MMS22L: variants seen among roughly 807,000 people sequenced by gnomAD.
The protein encoded by MMS22L is protein MMS22-like.
Under a neutral mutation model 159.1 loss-of-function variants are expected in MMS22L, and 74 were observed. That is an observed-to-expected ratio of 0.47 (90% confidence interval 0.39 to 0.56). The LOEUF (loss-of-function observed/expected upper bound fraction) is 0.56, where lower values mean the gene tolerates loss of function less well. Ranked by LOEUF, MMS22L falls within the 20% of genes least tolerant of loss-of-function variation. The pLI is 0.00. For missense variants in MMS22L, 1,351 were observed against 1,422.1 expected, an observed-to-expected ratio of 0.95 and a Z score of 0.80; for synonymous variants, 517 against 506.9, an observed-to-expected ratio of 1.02 and a Z score of -0.27.
chr6:97,203,755 G>A (rs1380449365), intron 14 of MMS22L, among the ~76,000 whole-genome samples: 1 of 152,132 alleles, frequency 6.6e-6, no homozygotes, highest in African/African-American at 2.4e-5. Context: ...GAATTCATTA[G>A]ACCGATTATT....
rs79920442 is a variant in MMS22L, at chr6:97,202,411, C to T, written c.2040-15721G>A. 4.5e-3 allele frequency among the ~76,000 whole-genome samples: 683 copies of T among 152,204 alleles called. 3 individuals carry two copies. The highest frequency in any genetic ancestry group is 0.015 in the African/African-American group (628 of 41,548). On this transcript the variant is annotated intron_variant, in intron 14 of 24. Coordinates refer to ENST00000683635, the MANE Select transcript of MMS22L (RefSeq NM_001350599.2). ...GATCTATATATATAGAGCAAAGCTG[C>T]GAAGATCGCTGCAACACAACTTTTA...
Position 97,233,989 on chromosome 6 carries a change from T to C in MMS22L, c.1183-9A>G. On this transcript the variant is annotated splice_polypyrimidine_tract_variant and intron_variant, in intron 11 of 24. Transcript: ENST00000683635. Reference sequence around the variant, plus strand: ...TCTTCTAGAATGACACCCTAAAAAATAAACTGAAGTTATGAGAAGGTAAAT... The same window carrying C: ...TCTTCTAGAATGACACCCTAAAAAACAAACTGAAGTTATGAGAAGGTAAAT... 7 of 1,605,466 alleles carry C rather than the reference T, an allele frequency of 4.4e-6. No individual in the cohort carries two copies. The highest frequency in any genetic ancestry group is 5.1e-6 in the Non-Finnish European group (6 of 1,176,798).
chr6:97,176,433 G>T (rs924414457), intron 18 of MMS22L, among the ~76,000 whole-genome samples: 8 of 152,062 alleles, frequency 5.3e-5, no homozygotes, highest in Non-Finnish European at 1.0e-4. Context: ...GTGCAGAAAA[G>T]AGTTAATACA....
chr6:97,271,830 A>C (rs1437302301), intron 6 of MMS22L: 3 of 152,052 alleles, frequency 2.0e-5, no homozygotes, highest in Non-Finnish European at 4.4e-5. Flanking sequence ...GTGCCACCAC[A>C]CTGGACTAAC....
intron 7 of MMS22L, among the ~76,000 whole-genome samples, chr6:97,269,646 G>A (rs1436645554): frequency 1.3e-5 from 2 of 151,988 alleles, no homozygotes; most frequent in Non-Finnish European, 2.9e-5. Flanking sequence ...CATATCTGTG[G>A]TTAAAAACAA....
chr6:97,223,023 T>C (rs1809817866), intron 14 of MMS22L, among the ~76,000 whole-genome samples: 2 of 152,106 alleles, frequency 1.3e-5, no homozygotes, highest in African/African-American at 2.4e-5. Context: ...GTTTTAAACA[T>C]AGGCATTTAG....
In MMS22L at chr6:97,145,679, A is replaced by C. The variant is rs1280520794; in HGVS notation, c.*1127T>G. ...ACATTATCCCATTGATTCTCACAACAACACTGTCAAATAGTAAAGGGATTC... is the reference window on the plus strand; with the variant it reads ...ACATTATCCCATTGATTCTCACAACCACACTGTCAAATAGTAAAGGGATTC... On this transcript the variant is annotated 3_prime_UTR_variant, in exon 25 of 25. Coordinates refer to ENST00000683635, the MANE Select transcript of MMS22L (RefSeq NM_001350599.2). 1 of 152,166 alleles carries C rather than the reference A, an allele frequency of 6.6e-6. No homozygotes were observed. Among genetic ancestry groups the C allele is most frequent in the African/African-American group, 2.4e-5 (1 of 41,450 alleles). 9.4% of individuals were successfully genotyped at this position (152,166 alleles called of 1,614,324 possible).
intron 12 of MMS22L, among the ~76,000 whole-genome samples, chr6:97,232,833 T>C (rs986009399): frequency 6.6e-6 from 1 of 152,164 alleles, no homozygotes; most frequent in African/African-American, 2.4e-5. Context: ...ATTTTCTATT[T>C]TGATTGAGAG....
intron 20 of MMS22L, among the ~76,000 whole-genome samples, chr6:97,166,749 G>A: frequency 6.6e-6 from 1 of 152,000 alleles, no homozygotes; most frequent in East Asian, 1.9e-4. Context: ...TTATTAAATG[G>A]ACTGTTTGGG....
intron 7 of MMS22L, among the ~76,000 whole-genome samples, chr6:97,269,383 C>T (rs1031607656): frequency 1.3e-5 from 2 of 152,108 alleles, no homozygotes; most frequent in Non-Finnish European, 2.9e-5. Context: ...TGCCACTCTA[C>T]TTCTAAGAAT....
intron 10 of MMS22L, among the ~76,000 whole-genome samples, chr6:97,248,782 C>G (rs1419875552): frequency 1.3e-5 from 2 of 151,888 alleles, no homozygotes; most frequent in African/African-American, 4.8e-5. Flanking sequence ...TCGCTTGAAC[C>G]CAGGAGGCAG....
chr6:97,158,574 T>C (rs1802096467), intron 22 of MMS22L, among the ~76,000 whole-genome samples: 1 of 152,202 alleles, frequency 6.6e-6, no homozygotes, highest in South Asian at 2.1e-4. Flanking sequence ...ATTTATCCAG[T>C]AGTCACTCGG....
intron 14 of MMS22L, among the ~76,000 whole-genome samples, chr6:97,201,733 C>A (rs1315787554): frequency 6.6e-6 from 1 of 152,140 alleles, no homozygotes; most frequent in Admixed American, 6.5e-5. Flanking sequence ...GATGATTGAG[C>A]AAAAAGAGTT....
At chr6:97,243,784 T>C (rs1812334583) in intron 11 of MMS22L, among the ~76,000 whole-genome samples, 1 of 152,070 alleles carries the variant, frequency 6.6e-6, no homozygotes, top group Admixed American at 6.6e-5. Context: ...CTTGATGTGG[T>C]GTTCTCCCCC....
chr6:97,172,981 G>A, intron 19 of MMS22L, 82 bp downstream of exon 19: 1 of 1,330,040 alleles, frequency 7.5e-7, no homozygotes, highest in Non-Finnish European at 1.0e-6. Flanking sequence ...TAGTGATTTA[G>A]CCAATATATA....
intron 9 of MMS22L, among the ~76,000 whole-genome samples, chr6:97,255,560 T>C (rs1338058439): frequency 6.6e-6 from 1 of 152,126 alleles, no homozygotes; most frequent in Non-Finnish European, 1.5e-5. Flanking sequence ...CATCTTGAGA[T>C]AAATTATTAG....
At chr6:97,226,683 A>T (rs919400582) in intron 14 of MMS22L, among the ~76,000 whole-genome samples, 27 of 151,956 alleles carry the variant, frequency 1.8e-4, no homozygotes, top group African/African-American at 5.1e-4. Flanking sequence ...TATATATATA[A>T]AAATACATAT....
intron 14 of MMS22L, among the ~76,000 whole-genome samples, chr6:97,220,942 CAAGAT>C (rs1809564447): frequency 1.4e-5 from 2 of 146,054 alleles, no homozygotes; most frequent in South Asian, 4.3e-4. Context: ...AAAAACCATC[CAAGAT>C]AAGACCCCTG....
At chr6:97,206,009 A>G (rs1807747698) in intron 14 of MMS22L, among the ~76,000 whole-genome samples, 1 of 152,188 alleles carries the variant, frequency 6.6e-6, no homozygotes, top group East Asian at 1.9e-4. Context: ...ACAAAGTTTA[A>G]GCACCAAGGA....
Sources: allele counts gnomAD v4.1 joint callset (sites outside exome capture counted in the v4.1 genomes callset), GRCh38; gene constraint gnomAD v4.1.1; transcripts MANE v1.5; gene names NCBI Gene and HGNC (gene_info 2026-07-23, HGNC 2026-07-21).